GLIS3: variants seen among roughly 807,000 people sequenced by gnomAD.
GLIS3 encodes zinc finger protein GLIS3.
In GLIS3, 53 loss-of-function variants were observed where a neutral mutation model predicts 78.6. The ratio of observed to expected loss-of-function variants is 0.67; its 90% CI spans 0.54 to 0.85. The LOEUF is 0.85. Ranked by LOEUF, GLIS3 falls within the 40% of genes least tolerant of loss-of-function variation. The pLI is 0.00. For synonymous variants in GLIS3, 684 were observed against 509.9 expected, an observed-to-expected ratio of 1.34 and a Z score of -4.60; for missense variants, 1,703 against 1,231.1, an observed-to-expected ratio of 1.38 and a Z score of -5.74.
the GLIS3 span, among the ~76,000 whole-genome samples, chr9:4,440,320 T>C: frequency 6.6e-6 from 1 of 152,228 alleles, no homozygotes; most frequent in Non-Finnish European, 1.5e-5. Flanking sequence ...GTTTCATCAT[T>C]TGGGGTCTTA....
intron 4 of GLIS3, among the ~76,000 whole-genome samples, chr9:3,993,440 T>G (rs1013056542): frequency 2.0e-5 from 3 of 152,212 alleles, no homozygotes; most frequent in African/African-American, 7.2e-5. Flanking sequence ...TCAAATATGA[T>G]AAACTTTTTA....
intron 9 of GLIS3, among the ~76,000 whole-genome samples, chr9:3,838,154 C>T (rs1411844108): frequency 2.0e-5 from 3 of 152,160 alleles, no homozygotes; most frequent in Non-Finnish European, 4.4e-5. Context: ...AAGGCAGACA[C>T]CTTGTCCAGT....
chr9:4,303,309 T>C (rs914413662), upstream of GLIS3, among the ~76,000 whole-genome samples: 1 of 151,478 alleles, frequency 6.6e-6, no homozygotes, highest in East Asian at 1.9e-4. Context: ...AACAGTCCAG[T>C]TACGTAGAAA....
intron 2 of GLIS3, among the ~76,000 whole-genome samples, chr9:4,259,743 A>C (rs1253919953): frequency 6.6e-6 from 1 of 152,220 alleles, no homozygotes. Flanking sequence ...TGGGGTGGGC[A>C]GCACCCTCTT....
At chr9:3,904,976 CTTT>C (rs751912495) in intron 6 of GLIS3, among the ~76,000 whole-genome samples, 1 of 139,368 alleles carries the variant, frequency 7.2e-6, no homozygotes, top group Non-Finnish European at 1.6e-5. Context: ...TCTTATGACT[CTTT>C]TTTTTTTTTT....
intron 3 of GLIS3, among the ~76,000 whole-genome samples, chr9:4,121,922 A>T (rs1220124467): frequency 6.6e-6 from 1 of 152,192 alleles, no homozygotes; most frequent in Non-Finnish European, 1.5e-5. Flanking sequence ...TCCTGCTGCT[A>T]CCCACACGAG....
intron 2 of GLIS3, among the ~76,000 whole-genome samples, chr9:4,207,862 C>G (rs1820020124): frequency 2.0e-5 from 3 of 152,196 alleles, no homozygotes; most frequent in South Asian, 4.1e-4. Flanking sequence ...TTTAAGATCA[C>G]TTTTGGGTCA....
the GLIS3 span, among the ~76,000 whole-genome samples, chr9:4,453,069 T>C: frequency 2.6e-5 from 4 of 152,086 alleles, no homozygotes; most frequent in Non-Finnish European, 5.9e-5. Flanking sequence ...GGAAAAGGAT[T>C]CCCTTCTTTA....
At chr9:4,452,251 G>C in the GLIS3 span, among the ~76,000 whole-genome samples, 15 of 152,082 alleles carry the variant, frequency 9.9e-5, no homozygotes, top group Non-Finnish European at 4.4e-5. Flanking sequence ...CATTCCTTTT[G>C]AAAACTGGCA....
rs188498753 is a variant in GLIS3, at chr9:4,019,194, G to A, written c.1711-82005C>T. Reference sequence around the variant, plus strand: ...TAAAGCTTGATAACAAAAGATGGAAGTTCTTATGGAATGGCGTTTAAAGTT... The same window carrying A: ...TAAAGCTTGATAACAAAAGATGGAAATTCTTATGGAATGGCGTTTAAAGTT... On this transcript the variant is annotated intron_variant, in intron 4 of 10. Coordinates refer to ENST00000381971, the MANE Select transcript of GLIS3 (RefSeq NM_001042413.2). Among the ~76,000 whole-genome samples the A allele has an allele frequency of 1.9e-4, 29 of 152,302 alleles. No homozygotes were observed. The East Asian group carries it at 5.0e-3, about 26-fold the overall frequency.
At chr9:3,903,833 T>G (rs1210839805) in intron 6 of GLIS3, among the ~76,000 whole-genome samples, 1 of 152,144 alleles carries the variant, frequency 6.6e-6, no homozygotes, top group African/African-American at 2.4e-5. Flanking sequence ...TGAGAAGAGA[T>G]ATTTGAGGAA....
rs747968781 is a variant in GLIS3 at position 4,118,225 on chromosome 9, G to C, written c.1253C>G (p.Pro418Arg). The C allele has an allele frequency of 6.3e-7, 1 of 1,585,606 alleles. No homozygotes were observed. Among genetic ancestry groups the C allele is most frequent in the South Asian group, 1.1e-5 (1 of 87,346 alleles). Residue 418 changes from proline (P) to arginine (R), a missense_variant, in exon 4 of 11, where the codon CCG becomes CGG. By Grantham distance (103) the Pro-to-Arg change is moderately radical (BLOSUM62 -2). Transcript: ENST00000381971. This position sits in a 1 kb window ranked among gnomAD's most constrained non-coding sequence, Gnocchi z 4.7. ...VNHMVVQHGLPGPDSQSAGLF... is the reference protein window; with the variant it reads ...VNHMVVQHGLRGPDSQSAGLF... ...GCCGGCCGACTGGCTGTCGGGGCCC[G>C]GCAGGCCATGCTGCACCACCATGTG... is the stretch of plus-strand genomic sequence containing the variant.
At chr9:3,915,336 G>A (rs1824435993) in intron 6 of GLIS3, among the ~76,000 whole-genome samples, 1 of 151,998 alleles carries the variant, frequency 6.6e-6, no homozygotes, top group African/African-American at 2.4e-5. Context: ...AAAAATCTAA[G>A]GAAAGTGTTG....
chr9:4,485,589 T>C, the GLIS3 span, among the ~76,000 whole-genome samples: 1 of 152,206 alleles, frequency 6.6e-6, no homozygotes, highest in East Asian at 1.9e-4. Flanking sequence ...TGTGACTAGC[T>C]TTGCATTAAT....
chr9:4,227,717 T>C (rs1034382710), intron 2 of GLIS3, among the ~76,000 whole-genome samples: 1 of 152,146 alleles, frequency 6.6e-6, no homozygotes, highest in Non-Finnish European at 1.5e-5. Flanking sequence ...CCCAACATAT[T>C]ATCATGGGAT....
chr9:4,348,593 C>T (rs1020769814), upstream of GLIS3, among the ~76,000 whole-genome samples: 3 of 152,012 alleles, frequency 2.0e-5, no homozygotes, highest in African/African-American at 7.3e-5. Flanking sequence ...TAATATAGTC[C>T]CATTTAAATA....
At chr9:4,245,610 C>T (rs1255269153) in intron 2 of GLIS3, among the ~76,000 whole-genome samples, 1 of 152,178 alleles carries the variant, frequency 6.6e-6, no homozygotes. Flanking sequence ...TGGAAACAAA[C>T]AAGCAACTCC....
intron 4 of GLIS3, among the ~76,000 whole-genome samples, chr9:3,994,957 G>C (rs970627919): frequency 6.6e-6 from 1 of 152,128 alleles, no homozygotes; most frequent in African/African-American, 2.4e-5. Context: ...CAAGAGTTGG[G>C]GCTATTCTAA....
At chr9:4,074,114 A>G (rs961526042) in intron 4 of GLIS3, among the ~76,000 whole-genome samples, 1 of 152,140 alleles carries the variant, frequency 6.6e-6, no homozygotes, top group Non-Finnish European at 1.5e-5. Flanking sequence ...TCCTCATCCC[A>G]ATGCAAGTCA....
Sources: gnomAD v4.1 joint callset for allele counts (sites outside exome capture counted in the v4.1 genomes callset) on GRCh38, gnomAD v4.1.1 for gene constraint, Gnocchi (gnomAD v3.1) non-coding constraint, MANE v1.5 for transcripts, NCBI Gene and HGNC (gene_info 2026-07-23, HGNC 2026-07-21) for gene names.